ZBTB18: variants seen among roughly 807,000 people sequenced by gnomAD.
ZBTB18 encodes the protein zinc finger and BTB domain-containing protein 18.
ZBTB18 carries 2 observed loss-of-function variants against 37.7 expected under a neutral mutation model. The ratio of observed to expected loss-of-function variants is 0.05; its 90% CI spans 0.02 to 0.17. The LOEUF (loss-of-function observed/expected upper bound fraction) is 0.17, where lower values mean the gene tolerates loss of function less well. Ranked by LOEUF, ZBTB18 falls within the 10% of genes least tolerant of loss-of-function variation. ZBTB18 has a pLI of 1.00. For missense variants in ZBTB18, 408 were observed against 686.3 expected (o/e 0.59, Z 4.53); for synonymous variants, 304 against 276.5 (o/e 1.10, Z -0.99).
In ZBTB18 at chr1:244,056,161, G is replaced by A. The variant is rs766265606; in HGVS notation, c.*791G>A. 6.0e-6 allele frequency: 1 copy of A among 166,968 alleles called. No individual in the cohort carries two copies. 10.3% of individuals were successfully genotyped at this position (166,968 alleles called of 1,614,324 possible). On this transcript the variant is annotated 3_prime_UTR_variant, in exon 2 of 2. Coordinates refer to ENST00000358704, the MANE Select transcript of ZBTB18 (RefSeq NM_205768.3). ...TGAGTCTTGAAAAGTAAATATTAACGCTACAGAAATGCATGAGTTTCAATA... is the reference window on the plus strand; with the variant it reads ...TGAGTCTTGAAAAGTAAATATTAACACTACAGAAATGCATGAGTTTCAATA...
Position 244,054,947 on chromosome 1 carries a change from C to T in ZBTB18, c.1173C>T (p.Pro391=), listed in dbSNP as rs1396366989. The change falls in exon 2 of 2, where the codon CCC becomes CCT. Residue 391 remains proline, a synonymous_variant. Transcript: ENST00000358704. This position sits in a 1 kb window ranked among gnomAD's most constrained non-coding sequence, Gnocchi z 9.0. ...TGTGCAACAAGGTCTTCCCCAGCCC[C>T]CACATCCTGCAGATCCACCTGAGCA... The part of the protein sequence containing the change: ...CPLCNKVFPS[P]HILQIHLSTH... 3 of 1,614,002 alleles carry T rather than the reference C, an allele frequency of 1.9e-6. No individual in the cohort carries two copies. Among genetic ancestry groups the T allele is most frequent in the Non-Finnish European group, 1.7e-6 (2 of 1,180,006 alleles).
At chr1:244,050,887 C>T (rs553946395), upstream of ZBTB18, among the ~76,000 whole-genome samples, 3 of 152,262 alleles carry the variant, frequency 2.0e-5, no homozygotes, top group Admixed American at 6.5e-5. Context: ...TATCCCTAAA[C>T]TGCTTTAGAA....
upstream of ZBTB18, among the ~76,000 whole-genome samples, chr1:244,050,063 T>C (rs1275950222): frequency 1.3e-5 from 2 of 152,122 alleles, no homozygotes; most frequent in Admixed American, 6.5e-5. Flanking sequence ...CACCGCGAAG[T>C]TGGAGAAAGT....
Position 244,055,023 on chromosome 1 carries a change from A to T in ZBTB18, c.1249A>T (p.Asn417Tyr). 1 of 1,614,174 alleles carries T rather than the reference A, an allele frequency of 6.2e-7. No homozygotes were observed. Among genetic ancestry groups the T allele is most frequent in the Non-Finnish European group, 8.5e-7 (1 of 1,180,040 alleles). Residue 417 changes from asparagine (N) to tyrosine (Y), a missense_variant, in exon 2 of 2, where the codon AAC becomes TAC. This residue lies in a region of ZBTB18 where 266 missense variants were observed against 312.0 expected (regional missense o/e 0.85). Coordinates refer to ENST00000358704, the MANE Select transcript of ZBTB18 (RefSeq NM_205768.3). The surrounding 1 kb of genome is among the most constrained non-coding windows in gnomAD (Gnocchi z 7.0). ...CCGCAGCAAGCCCGCCGCCGATGTC[A>T]ACGTGCCCACGTGCTCGCTGTGTGG... ...GIRSKPAADV[N>Y]VPTCSLCGKT...
chr1:244,048,980 T>G, upstream of ZBTB18: 1 of 147,340 alleles, frequency 6.8e-6, no homozygotes, highest in African/African-American at 2.6e-5. Flanking sequence ...CGCGGTGACT[T>G]AGGGCCGCTC....
At chr1:244,050,720 G>C (rs1468142496), upstream of ZBTB18, among the ~76,000 whole-genome samples, 2 of 152,110 alleles carry the variant, frequency 1.3e-5, no homozygotes, top group African/African-American at 4.8e-5. Flanking sequence ...AATTACATAA[G>C]AGTGAAATAA....
At position 244,055,656 on chromosome 1, in the gene ZBTB18, T is replaced by C. The variant is rs77915082; in HGVS notation, c.*286T>C. On this transcript the variant is annotated 3_prime_UTR_variant, in exon 2 of 2. Transcript: ENST00000358704. The surrounding 1 kb of genome is among the most constrained non-coding windows in gnomAD (Gnocchi z 7.0). ...ATCGTCCTGTCACAAAATGCTTTCA[T>C]ATGGCTTAATTTTGTCAACACTGCA... The C allele has an allele frequency of 0.026, 4,326 of 166,510 alleles. 221 individuals are homozygous for C. Among genetic ancestry groups the C allele is most frequent in the African/African-American group, 0.099 (4,099 of 41,388 alleles). The allele number at this position is 166,510 out of a possible 1,614,324, so 10.3% of individuals were successfully genotyped here.
At chr1:244,048,924 C>T (rs1462849136), upstream of ZBTB18, 1 of 158,020 alleles carries the variant, frequency 6.3e-6, no homozygotes, top group Non-Finnish European at 1.3e-5. Context: ...CGGCGGCGGC[C>T]GGGAGGAGGA....
chr1:244,050,192 C>T (rs930291126), upstream of ZBTB18, among the ~76,000 whole-genome samples: 3 of 152,320 alleles, frequency 2.0e-5, no homozygotes, highest in Non-Finnish European at 2.9e-5. Context: ...AGGGCTGGGA[C>T]GCTGGCGCCT....
rs1484397904 is a variant in ZBTB18, at chr1:244,054,328, TGGC to T, written c.558_560del (p.Ala187del). ...AACATCCTGCCCAGCAAAAGGGACT[TGGC>T]GGCCGAGCCTGGGAACATGTGGATG... On this transcript the variant is annotated inframe_deletion, in exon 2 of 2. Coordinates refer to ENST00000358704, the MANE Select transcript of ZBTB18 (RefSeq NM_205768.3). The surrounding 1 kb of genome is among the most constrained non-coding windows in gnomAD (Gnocchi z 9.0). 1.1e-5 allele frequency: 17 copies of T among 1,614,014 alleles called. No homozygotes were observed. The highest frequency in any genetic ancestry group is 1.4e-5 in the Non-Finnish European group (17 of 1,180,028).
Position 244,054,979 on chromosome 1 carries a change from T to G in ZBTB18, c.1205T>G (p.Phe402Cys). 6.2e-7 allele frequency: 1 copy of G among 1,614,014 alleles called. No individual in the cohort carries two copies. Among genetic ancestry groups the G allele is most frequent in the Non-Finnish European group, 8.5e-7 (1 of 1,180,006 alleles). ...CTGCAGATCCACCTGAGCACGCACT[T>G]CCGCGAGCAGGACGGCATCCGCAGC... ...HILQIHLSTH[F>C]REQDGIRSKP... Residue 402 changes from phenylalanine to cysteine, a missense_variant, in exon 2 of 2, where the codon TTC (phenylalanine) becomes TGC (cysteine). This residue lies in a region of ZBTB18 where 266 missense variants were observed against 312.0 expected (regional missense o/e 0.85). Transcript: ENST00000358704. This position sits in a 1 kb window ranked among gnomAD's most constrained non-coding sequence, Gnocchi z 9.0.
At chr1:244,048,838 A>G (rs1698288108), upstream of ZBTB18, 1 of 107,808 alleles carries the variant, frequency 9.3e-6, no homozygotes, top group Admixed American at 8.4e-5. Flanking sequence ...CGGGCGACGG[A>G]GCCGGGATTG....
At chr1:244,052,784 GA>G (rs35804137) in intron 1 of ZBTB18, among the ~76,000 whole-genome samples, 2,194 of 140,864 alleles carry the variant, frequency 0.016, 46 homozygotes, top group African/African-American at 0.048. Context: ...GCAGAACCAG[GA>G]AAAAAAAAAA....
upstream of ZBTB18, among the ~76,000 whole-genome samples, chr1:244,049,246 G>T (rs1221396122): frequency 6.9e-6 from 1 of 145,296 alleles, no homozygotes. Context: ...GGTCGGGCGG[G>T]GTGCGGGTTC....
rs1045276240 is a variant in ZBTB18, at chr1:244,057,313, T to C, written c.*1943T>C. 6.0e-6 allele frequency: 1 copy of C among 167,032 alleles called. No individual in the cohort carries two copies. Among genetic ancestry groups the C allele is most frequent in the African/African-American group, 2.4e-5 (1 of 41,472 alleles). The allele number at this position is 167,032 out of a possible 1,614,324, so 10.3% of individuals were successfully genotyped here. A position where few individuals can be genotyped will look rare whatever the true frequency, so the allele number is the denominator to read the frequency against. ...TTTTCCTTTTCTTAGTTTCACATTCTTCCTTTGTTCTAAAACTTAGACTGA... is the reference window on the plus strand; with the variant it reads ...TTTTCCTTTTCTTAGTTTCACATTCCTCCTTTGTTCTAAAACTTAGACTGA... On this transcript the variant is annotated 3_prime_UTR_variant, in exon 2 of 2. Transcript: ENST00000358704.
chr1:244,048,802 G>A (rs1371432365), upstream of ZBTB18: 1 of 149,714 alleles, frequency 6.7e-6, no homozygotes, highest in Non-Finnish European at 1.5e-5. Flanking sequence ...CAGCGGGGGT[G>A]GGCGGGAGGG....
rs1391564295 is a variant in ZBTB18 at position 244,056,482 on chromosome 1, A to G, written c.*1112A>G. On this transcript the variant is annotated 3_prime_UTR_variant, in exon 2 of 2. Transcript: ENST00000358704. Reference sequence around the variant, plus strand: ...TGCATGTGCAGTGTGCATTTATAACAAACTTCTAATTGCACAAAACCCATG... The same window carrying G: ...TGCATGTGCAGTGTGCATTTATAACGAACTTCTAATTGCACAAAACCCATG... 6.0e-6 allele frequency: 1 copy of G among 167,140 alleles called. No homozygotes were observed. Among genetic ancestry groups the G allele is most frequent in the East Asian group, 1.9e-4 (1 of 5,202 alleles). 10.4% of individuals were successfully genotyped at this position (167,140 alleles called of 1,614,324 possible). A position where few individuals can be genotyped will look rare whatever the true frequency, so the allele number is the denominator to read the frequency against.
upstream of ZBTB18, among the ~76,000 whole-genome samples, chr1:244,048,623 CG>C (rs1698279831): frequency 3.4e-5 from 3 of 87,560 alleles, no homozygotes; most frequent in Non-Finnish European, 7.8e-5. Context: ...CCCTCCCCCG[CG>C]CCCGCCCCCC....
chr1:244,049,569 T>G (rs1473293550), upstream of ZBTB18, among the ~76,000 whole-genome samples: 1 of 152,110 alleles, frequency 6.6e-6, no homozygotes, highest in Non-Finnish European at 1.5e-5. Flanking sequence ...TCCCGCTGGC[T>G]GCTTCTTACG....
Sources: gnomAD v4.1 joint callset for allele counts (sites outside exome capture counted in the v4.1 genomes callset) on GRCh38, gnomAD v4.1.1 for gene constraint, gnomAD v4.1.1 regional missense constraint, Gnocchi (gnomAD v3.1) non-coding constraint, MANE v1.5 for transcripts, NCBI Gene and HGNC (gene_info 2026-07-23, HGNC 2026-07-21) for gene names.